SDC2: variants seen among roughly 807,000 people sequenced by gnomAD.
The protein encoded by SDC2 is syndecan-2.
In SDC2, 13 loss-of-function variants were observed where a neutral mutation model predicts 22.2. The observed-to-expected ratio is 0.59, with a 90% CI of 0.38 to 0.93. The LOEUF is 0.93. SDC2 is among the 40% of genes least tolerant of loss of function. The probability of loss-of-function intolerance (pLI) is 0.00; values close to 1 mark genes in which losing one functional copy is unlikely to be tolerated. For synonymous variants in SDC2, 94 were observed against 92.8 expected, an observed-to-expected ratio of 1.01 and a Z score of -0.07; for missense variants, 235 against 246.8, an observed-to-expected ratio of 0.95 and a Z score of 0.32.
intron 1 of SDC2, among the ~76,000 whole-genome samples, chr8:96,546,463 G>A: frequency 6.6e-6 from 1 of 152,092 alleles, no homozygotes; most frequent in African/African-American, 2.4e-5. Flanking sequence ...AGAAACAATA[G>A]CTTGAAGAAC....
chr8:96,602,367 C>G, intron 2 of SDC2, 28 bp from the exon 3 acceptor site: 1 of 1,611,222 alleles, frequency 6.2e-7, no homozygotes, highest in South Asian at 1.1e-5. Flanking sequence ...GATTGCCATG[C>G]TCAGTTCATC....
rs1158477837 is a variant in SDC2 at position 96,503,598 on chromosome 8, A to G, written c.60+9267A>G. ...AATCAGAATAAGATTGGTAGATTGT[A>G]TCAATATCAATATCATTGTTGTGAT... is the stretch of plus-strand genomic sequence containing the variant. On this transcript the variant is annotated intron_variant, in intron 1 of 4. Transcript: ENST00000302190. Among the ~76,000 whole-genome samples the G allele has an allele frequency of 3.3e-5, 5 of 152,352 alleles. No homozygotes were observed. In the East Asian group the frequency reaches 5.8e-4, roughly 18 times the overall value.
At chr8:96,601,022 T>C (rs1477513052) in intron 2 of SDC2, among the ~76,000 whole-genome samples, 1 of 151,782 alleles carries the variant, frequency 6.6e-6, no homozygotes. Context: ...GATGTTGAGG[T>C]AGAGGAGGAT....
chr8:96,573,468 C>T (rs916092491), intron 1 of SDC2, among the ~76,000 whole-genome samples: 1 of 151,754 alleles, frequency 6.6e-6, no homozygotes, highest in African/African-American at 2.4e-5. Flanking sequence ...GCGTTGGATG[C>T]TGGGAGGATT....
intron 1 of SDC2, among the ~76,000 whole-genome samples, chr8:96,576,378 T>TTTTTTTTTTTTTTTTTTTTTTTTTCCA (rs1814497133): frequency 1.5e-5 from 1 of 68,338 alleles, no homozygotes; most frequent in Non-Finnish European, 3.0e-5. Flanking sequence ...GTTTTTGTTT[T>TTTTTTTTTTTTTTTTTTTTTTTTTCCA]GTTTTGTTTT....
chr8:96,587,842 G>A (rs1474606060), intron 1 of SDC2, among the ~76,000 whole-genome samples: 1 of 152,052 alleles, frequency 6.6e-6, no homozygotes, highest in Non-Finnish European at 1.5e-5. Context: ...TATTATGTGT[G>A]AATCACAGGA....
intron 2 of SDC2, among the ~76,000 whole-genome samples, chr8:96,598,613 T>C (rs1814922279): frequency 6.6e-6 from 1 of 151,546 alleles, no homozygotes; most frequent in African/African-American, 2.4e-5. Context: ...CAAAATTCCA[T>C]CTCAAAATAA....
At chr8:96,574,929 C>T (rs1198667218) in intron 1 of SDC2, among the ~76,000 whole-genome samples, 1 of 152,124 alleles carries the variant, frequency 6.6e-6, no homozygotes, top group African/African-American at 2.4e-5. Flanking sequence ...GATTCAAGCG[C>T]AGTACATTTA....
At chr8:96,599,240 C>T (rs1410174542) in intron 2 of SDC2, among the ~76,000 whole-genome samples, 1 of 152,086 alleles carries the variant, frequency 6.6e-6, no homozygotes, top group Non-Finnish European at 1.5e-5. Context: ...TGTGCTTGGC[C>T]CTGTCTTTAA....
chr8:96,609,101 A>T (rs185226530), intron 4 of SDC2, among the ~76,000 whole-genome samples: 41 of 152,350 alleles, frequency 2.7e-4, no homozygotes, highest in Admixed American at 2.3e-3. Flanking sequence ...TGAAAAGACA[A>T]AAGTAGTTTT....
intron 1 of SDC2, among the ~76,000 whole-genome samples, chr8:96,583,436 GTTAA>G (rs1039875729): frequency 5.0e-5 from 6 of 119,758 alleles, no homozygotes; most frequent in African/African-American, 1.7e-4. Context: ...TGTATTCGCT[GTTAA>G]TTAATTTTCA....
intron 1 of SDC2, among the ~76,000 whole-genome samples, chr8:96,580,818 TG>T (rs1222751568): frequency 6.6e-6 from 1 of 152,214 alleles, no homozygotes; most frequent in Non-Finnish European, 1.5e-5. Flanking sequence ...TTTGCAGGAA[TG>T]GGGTACCCTA....
At chr8:96,604,645 C>A (rs1815047961) in intron 3 of SDC2, among the ~76,000 whole-genome samples, 1 of 152,072 alleles carries the variant, frequency 6.6e-6, no homozygotes, top group East Asian at 1.9e-4. Context: ...TTACGGATAT[C>A]CTATCTAGTT....
chr8:96,583,717 G>GTGTGTGTATA (rs1305001793), intron 1 of SDC2, among the ~76,000 whole-genome samples: 6 of 116,642 alleles, frequency 5.1e-5, no homozygotes, highest in African/African-American at 1.6e-4. Flanking sequence ...GTGTGTGTGT[G>GTGTGTGTATA]TATATATATA....
At chr8:96,554,996 T>C (rs1586297015) in intron 1 of SDC2, among the ~76,000 whole-genome samples, 1 of 152,172 alleles carries the variant, frequency 6.6e-6, no homozygotes, top group East Asian at 1.9e-4. Context: ...TTCTTCGAAT[T>C]TAAGCCTAAT....
intron 2 of SDC2, among the ~76,000 whole-genome samples, chr8:96,597,605 CAT>C (rs548750542): frequency 3.3e-4 from 51 of 152,278 alleles, no homozygotes; most frequent in Admixed American, 2.1e-3. Context: ...CACAGAAAAA[CAT>C]AGTAAATTCA....
intron 1 of SDC2, among the ~76,000 whole-genome samples, chr8:96,591,290 C>A (rs1351425942): frequency 6.6e-6 from 1 of 152,190 alleles, no homozygotes; most frequent in Non-Finnish European, 1.5e-5. Context: ...ATTTTGCTTA[C>A]TTTTAAGACT....
At chr8:96,564,910 A>G (rs973937663) in intron 1 of SDC2, among the ~76,000 whole-genome samples, 1 of 151,856 alleles carries the variant, frequency 6.6e-6, no homozygotes, top group African/African-American at 2.4e-5. Flanking sequence ...ATTTTAGTCA[A>G]TCTCTGTACA....
At chr8:96,554,335 T>A (rs1814074674) in intron 1 of SDC2, among the ~76,000 whole-genome samples, 1 of 152,234 alleles carries the variant, frequency 6.6e-6, no homozygotes, top group Non-Finnish European at 1.5e-5. Context: ...TTTTGAGTTT[T>A]GTGAATACCG....
Sources: gnomAD v4.1 joint callset for allele counts (sites outside exome capture counted in the v4.1 genomes callset) on GRCh38, gnomAD v4.1.1 for gene constraint, MANE v1.5 for transcripts, NCBI Gene and HGNC (gene_info 2026-07-23, HGNC 2026-07-21) for gene names.